Variants in RYR3 observed in about 807,000 individuals in gnomAD.
RYR3 encodes the protein brain ryanodine receptor-calcium release channel.
Under a neutral mutation model 584.3 loss-of-function variants are expected in RYR3, and 207 were observed. The ratio of observed to expected loss-of-function variants is 0.35; its 90% CI spans 0.32 to 0.40. The LOEUF is 0.40. Ranked by LOEUF, RYR3 falls within the 10% of genes least tolerant of loss-of-function variation. The pLI, the probability that RYR3 is intolerant of heterozygous loss-of-function variation, is 1.00. For missense variants in RYR3, 5,616 were observed against 6,089.2 expected (o/e 0.92, Z 2.59); for synonymous variants, 2,416 against 2,248.5 (o/e 1.07, Z -2.11).
At chr15:33,755,576 C>T (rs1296350071) in intron 58 of RYR3, among the ~76,000 whole-genome samples, 2 of 152,142 alleles carry the variant, frequency 1.3e-5, no homozygotes, top group African/African-American at 4.8e-5. Flanking sequence ...GAGATCGTGC[C>T]ATTGCACTCC....
At chr15:33,794,744 G>T (rs957577200) in intron 67 of RYR3, among the ~76,000 whole-genome samples, 7 of 152,126 alleles carry the variant, frequency 4.6e-5, no homozygotes, top group African/African-American at 1.2e-4. Context: ...AGAAATACAG[G>T]CTTCCAACAT....
chr15:33,622,004 A>C (rs1023187283), intron 19 of RYR3, among the ~76,000 whole-genome samples: 1 of 152,130 alleles, frequency 6.6e-6, no homozygotes, highest in Non-Finnish European at 1.5e-5. Flanking sequence ...TCCATGAGCA[A>C]TTCCGAACAA....
At chr15:33,415,441 T>C (rs1472108294) in intron 1 of RYR3, among the ~76,000 whole-genome samples, 1 of 151,828 alleles carries the variant, frequency 6.6e-6, no homozygotes, top group South Asian at 2.1e-4. Flanking sequence ...CAAAGGTGAA[T>C]AAAGATTCCA....
chr15:33,825,515 ATGCTTAGTCGATAGGT>A, intron 81 of RYR3, 72 bp from the exon 82 acceptor site: 1 of 799,904 alleles, frequency 1.3e-6, no homozygotes, highest in East Asian at 2.5e-5. Context: ...GGGGCAGGAT[ATGCTTAGTCGATAGGT>A]ACATTAACAT....
In RYR3 at chr15:33,660,440, C is replaced by T. The variant is rs551151766; in HGVS notation, c.4622+17C>T. Reference sequence around the variant, plus strand: ...GGAGAACAGGTACCAGAGGGGCCCGCGAAGGAAGGGGCAGGCCTGAGGGGC... The same window carrying T: ...GGAGAACAGGTACCAGAGGGGCCCGTGAAGGAAGGGGCAGGCCTGAGGGGC... On this transcript the variant is annotated intron_variant, in intron 34 of 103. Coordinates refer to ENST00000634891, the MANE Select transcript of RYR3 (RefSeq NM_001036.6). 2.4e-5 allele frequency: 37 copies of T among 1,515,982 alleles called. 2 individuals are homozygous for T. The South Asian group carries it at 3.0e-4, about 12-fold the overall frequency. 93.9% of individuals were successfully genotyped at this position (1,515,982 alleles called of 1,614,324 possible).
intron 65 of RYR3, among the ~76,000 whole-genome samples, chr15:33,785,285 T>G (rs915314246): frequency 1.3e-5 from 2 of 152,176 alleles, no homozygotes; most frequent in Admixed American, 6.5e-5. Context: ...TTTTCTCCTC[T>G]GATTACTGAT....
intron 90 of RYR3, among the ~76,000 whole-genome samples, chr15:33,841,134 T>C (rs1227217158): frequency 6.6e-6 from 1 of 152,100 alleles, no homozygotes; most frequent in Admixed American, 6.6e-5. Context: ...GGAGGATTGC[T>C]TGAGCCCAGG....
chr15:33,579,863 GGAA>G, intron 12 of RYR3, 110 bp from the exon 13 acceptor site: 1 of 661,894 alleles, frequency 1.5e-6, no homozygotes, highest in Non-Finnish European at 2.4e-6. Flanking sequence ...GGCCGCCCAA[GGAA>G]GCAACTCATG....
At chr15:33,432,800 G>T (rs772096180) in intron 1 of RYR3, among the ~76,000 whole-genome samples, 3 of 151,700 alleles carry the variant, frequency 2.0e-5, no homozygotes, top group Non-Finnish European at 4.4e-5. Flanking sequence ...GATTACAGGC[G>T]TGAGGCACCG....
At chr15:33,857,693 C>A in intron 98 of RYR3, 87 bp from the exon 99 acceptor site, 1 of 1,538,378 alleles carries the variant, frequency 6.5e-7, no homozygotes, top group Non-Finnish European at 8.9e-7. Flanking sequence ...CCTCACTCTT[C>A]CTCCTCGTTT....
In RYR3 at chr15:33,773,498, T is replaced by C. The variant is rs769207215; in HGVS notation, c.9056-36T>C. ...TCATGGATCCTTTCTGTATTCAGGA[T>C]TGATGCAAATCAATGATATTTCTTC... On this transcript the variant is annotated intron_variant, in intron 63 of 103. Transcript: ENST00000634891. The C allele has an allele frequency of 5.5e-6, 8 of 1,455,252 alleles. No homozygotes were observed. The African/African-American group carries it at 9.7e-5, about 18-fold the overall frequency. 90.1% of individuals were successfully genotyped at this position (1,455,252 alleles called of 1,614,324 possible).
At position 33,810,818 on chromosome 15, in the gene RYR3, C is replaced by T. The variant is rs41279222; in HGVS notation, c.10198-160C>T. On this transcript the variant is annotated intron_variant, in intron 71 of 103. Transcript: ENST00000634891. ...CATCTTTAAAACTGGTTTGGAAGTC[C>T]GTGTGTGCCCTTTGGGACAAATCTC... is the stretch of plus-strand genomic sequence containing the variant. The T allele has an allele frequency of 2.5e-3, 2,618 of 1,045,322 alleles. 46 individuals carry two copies. In the African/African-American group the frequency reaches 0.035, roughly 14 times the overall value. The allele number at this position is 1,045,322 out of a possible 1,614,324, so 64.8% of individuals were successfully genotyped here. A position where few individuals can be genotyped will look rare whatever the true frequency, so the allele number is the denominator to read the frequency against.
chr15:33,851,236 T>C (rs2079089678), intron 94 of RYR3: 1 of 152,200 alleles, frequency 6.6e-6, no homozygotes, highest in Non-Finnish European at 1.5e-5. Context: ...AGTTGAAGGA[T>C]TTCTCTAGAG....
chr15:33,671,127 T>C (rs1380252564), intron 38 of RYR3, among the ~76,000 whole-genome samples: 1 of 152,204 alleles, frequency 6.6e-6, no homozygotes, highest in Non-Finnish European at 1.5e-5. Flanking sequence ...CCTTATACTA[T>C]AGATGACTCC....
rs137984794 is a variant in RYR3, at chr15:33,799,923, C to T, written c.9831-847C>T. ...ATATCAGAAGCGTTGAGCAGAGAAA[C>T]AGTGGGGGTTTTTTGTTTGTTTGTT... On this transcript the variant is annotated intron_variant, in intron 67 of 103. Coordinates refer to ENST00000634891, the MANE Select transcript of RYR3 (RefSeq NM_001036.6). Among the ~76,000 whole-genome samples the T allele has an allele frequency of 5.5e-3, 639 of 116,762 alleles. 6 individuals carry two copies. Among genetic ancestry groups the T allele is most frequent in the African/African-American group, 0.021 (595 of 28,978 alleles). 76.6% of individuals were successfully genotyped at this position (116,762 alleles called of 152,430 possible).
intron 20 of RYR3, among the ~76,000 whole-genome samples, chr15:33,625,667 A>G (rs1053489920): frequency 2.0e-5 from 3 of 152,194 alleles, no homozygotes; most frequent in African/African-American, 4.8e-5. Flanking sequence ...CTTATATACC[A>G]TCTTAATAGG....
chr15:33,319,315 C>T (rs1018966318), intron 1 of RYR3, among the ~76,000 whole-genome samples: 1 of 78,448 alleles, frequency 1.3e-5, no homozygotes, highest in African/African-American at 6.3e-5. Context: ...CACATCATAT[C>T]GACCAGAAGC....
intron 1 of RYR3, among the ~76,000 whole-genome samples, chr15:33,470,677 A>G (rs2048855894): frequency 6.6e-6 from 1 of 152,240 alleles, no homozygotes; most frequent in Non-Finnish European, 1.5e-5. Flanking sequence ...GGTTCATGAT[A>G]GTGTGCTACC....
At chr15:33,546,501 C>A (rs1280754654) in intron 8 of RYR3, among the ~76,000 whole-genome samples, 1 of 152,094 alleles carries the variant, frequency 6.6e-6, no homozygotes, top group Non-Finnish European at 1.5e-5. Context: ...TGAGAAATAG[C>A]CTCTGTAATC....
Sources: allele counts gnomAD v4.1 joint callset (sites outside exome capture counted in the v4.1 genomes callset), GRCh38; gene constraint gnomAD v4.1.1; transcripts MANE v1.5; gene names NCBI Gene and HGNC (gene_info 2026-07-23, HGNC 2026-07-21).